Variants in TENM4 observed in about 807,000 individuals in gnomAD.
TENM4 encodes the protein teneurin-4.
In TENM4, 82 loss-of-function variants were observed where a neutral mutation model predicts 243.3. That is an observed-to-expected ratio of 0.34 (90% CI 0.28 to 0.40). TENM4 has a LOEUF of 0.40. Ranked by LOEUF, TENM4 falls within the 10% of genes least tolerant of loss-of-function variation. The pLI is 1.00. For synonymous variants in TENM4, 1,412 were observed against 1,456.3 expected, an observed-to-expected ratio of 0.97 and a Z score of 0.69; for missense variants, 3,138 against 3,673.3, an observed-to-expected ratio of 0.85 and a Z score of 3.77.
chr11:78,840,934 A>C (rs975274283), intron 12 of TENM4, among the ~76,000 whole-genome samples: 5 of 152,214 alleles, frequency 3.3e-5, no homozygotes, highest in Non-Finnish European at 7.3e-5. Context: ...CTCTATAAAG[A>C]AAATAAGAGT....
chr11:79,056,522 C>T (rs1859947837), intron 6 of TENM4, among the ~76,000 whole-genome samples: 1 of 152,012 alleles, frequency 6.6e-6, no homozygotes, highest in Non-Finnish European at 1.5e-5. Context: ...CAATTCCAGC[C>T]AATTTCGTGC....
intron 25 of TENM4, among the ~76,000 whole-genome samples, chr11:78,717,486 C>T (rs1859548704): frequency 6.6e-6 from 1 of 152,250 alleles, no homozygotes; most frequent in Non-Finnish European, 1.5e-5. Flanking sequence ...CTACCATCCA[C>T]TTGGCTAAGT....
At chr11:79,206,837 A>G (rs1863857793) in intron 3 of TENM4, among the ~76,000 whole-genome samples, 2 of 152,156 alleles carry the variant, frequency 1.3e-5, no homozygotes, top group African/African-American at 4.8e-5. Flanking sequence ...AAATGGACTA[A>G]TACACGCTCC....
intron 4 of TENM4, among the ~76,000 whole-genome samples, chr11:79,131,112 G>A (rs1378012020): frequency 6.6e-6 from 1 of 152,082 alleles, no homozygotes; most frequent in East Asian, 1.9e-4. Context: ...ATATTTGGGG[G>A]AATAATTGAG....
chr11:79,011,352 T>C (rs1052202756), intron 6 of TENM4, among the ~76,000 whole-genome samples: 5 of 152,334 alleles, frequency 3.3e-5, no homozygotes, highest in Admixed American at 6.5e-5. Context: ...CTTTCAGGTA[T>C]CTGCATTTTT....
Position 78,671,899 on chromosome 11 carries a change from G to A in TENM4, c.5793+134C>T, listed in dbSNP as rs184826156. 3.3e-6 allele frequency: 4 copies of A among 1,204,526 alleles called. No individual in the cohort carries two copies. The East Asian group carries it at 7.7e-5, about 23-fold the overall frequency. The allele number at this position is 1,204,526 out of a possible 1,614,324, so 74.6% of individuals were successfully genotyped here. On this transcript the variant is annotated intron_variant, in intron 31 of 33. Coordinates refer to ENST00000278550, the MANE Select transcript of TENM4 (RefSeq NM_001098816.3). ...CTCTTGGGACCCCATGCCCTCTGTG[G>A]CAGACTTTCCTGAACATTTCCTTTT...
At chr11:79,186,192 C>G (rs1216885012) in intron 3 of TENM4, among the ~76,000 whole-genome samples, 5 of 152,138 alleles carry the variant, frequency 3.3e-5, no homozygotes. Context: ...ATACCACCAC[C>G]TTGCCATGTC....
intron 2 of TENM4, among the ~76,000 whole-genome samples, chr11:79,287,621 A>C (rs970140199): frequency 3.9e-5 from 6 of 152,282 alleles, no homozygotes; most frequent in Non-Finnish European, 8.8e-5. Context: ...AGGGTGCTTG[A>C]TGCATTATAA....
chr11:79,427,235 C>A (rs1859071736), intron 1 of TENM4, among the ~76,000 whole-genome samples: 1 of 152,142 alleles, frequency 6.6e-6, no homozygotes, highest in Non-Finnish European at 1.5e-5. Flanking sequence ...TTGTCAGAAG[C>A]TTTAAAAAGC....
At chr11:78,970,390 C>T (rs1857516266) in intron 6 of TENM4, among the ~76,000 whole-genome samples, 1 of 152,150 alleles carries the variant, frequency 6.6e-6, no homozygotes, top group South Asian at 2.1e-4. Flanking sequence ...TCTAGAGTGA[C>T]TATTCGTTCG....
chr11:79,155,199 C>T (rs531632751), intron 3 of TENM4, among the ~76,000 whole-genome samples: 7 of 152,106 alleles, frequency 4.6e-5, no homozygotes, highest in Non-Finnish European at 5.9e-5. Flanking sequence ...GGGACAGATC[C>T]GGAGTATCTG....
At chr11:78,667,922 C>A (rs1320028476) in intron 32 of TENM4, among the ~76,000 whole-genome samples, 1 of 152,178 alleles carries the variant, frequency 6.6e-6, no homozygotes, top group Non-Finnish European at 1.5e-5. Flanking sequence ...GGGTTGAGGG[C>A]CTCTGTGGCT....
chr11:79,164,597 T>C (rs1862868056), intron 3 of TENM4, among the ~76,000 whole-genome samples: 1 of 128,740 alleles, frequency 7.8e-6, no homozygotes, highest in African/African-American at 3.2e-5. Flanking sequence ...TATATATCTA[T>C]ATAGTACGGT....
chr11:79,293,593 T>C (rs1465410410), intron 2 of TENM4, among the ~76,000 whole-genome samples: 1 of 151,466 alleles, frequency 6.6e-6, no homozygotes, highest in East Asian at 1.9e-4. Flanking sequence ...TTGTATATGG[T>C]AGGTGCTTCA....
In TENM4 at chr11:78,669,925, G is replaced by T; in HGVS notation, c.6420C>A (p.Thr2140=). The T allele has an allele frequency of 2.5e-6, 4 of 1,613,746 alleles. No individual in the cohort carries two copies. The highest frequency in any genetic ancestry group is 3.4e-6 in the Non-Finnish European group (4 of 1,179,832). Residue 2140 remains threonine (T), a synonymous_variant, in exon 32 of 34, where the codon ACC becomes ACA. Transcript: ENST00000278550. The surrounding 1 kb of genome is among the most constrained non-coding windows in gnomAD (Gnocchi z 6.4). ...CATATGCATCAAAATGCTTGGTGTG[G>T]GTCATGACAGCTGTGGTGATGATCT... ...INQIITTAVM[T]HTKHFDAYGR... is the part of the protein sequence containing the mutation.
intron 1 of TENM4, among the ~76,000 whole-genome samples, chr11:79,370,334 T>C (rs1469638485): frequency 1.3e-5 from 2 of 152,210 alleles, no homozygotes; most frequent in Non-Finnish European, 2.9e-5. Context: ...CCTCTGTGCC[T>C]GACACCACAG....
chr11:79,097,203 T>A (rs1861104750), intron 4 of TENM4: 1 of 152,180 alleles, frequency 6.6e-6, no homozygotes, highest in African/African-American at 2.4e-5. Flanking sequence ...CTAAGAACTC[T>A]GGTACAAGGA....
chr11:78,769,538 G>C (rs1488634343), intron 18 of TENM4, among the ~76,000 whole-genome samples: 1 of 152,190 alleles, frequency 6.6e-6, no homozygotes, highest in African/African-American at 2.4e-5. Context: ...TTATCTCTAT[G>C]CCTGGTATAG....
chr11:79,045,763 T>C (rs1389258937), intron 6 of TENM4, among the ~76,000 whole-genome samples: 1 of 151,952 alleles, frequency 6.6e-6, no homozygotes, highest in African/African-American at 2.4e-5. Flanking sequence ...CCCAAAGCCC[T>C]TTTTCCTTAT....
Sources: gnomAD v4.1 joint callset for allele counts (sites outside exome capture counted in the v4.1 genomes callset) on GRCh38, gnomAD v4.1.1 for gene constraint, Gnocchi (gnomAD v3.1) non-coding constraint, MANE v1.5 for transcripts, NCBI Gene and HGNC (gene_info 2026-07-23, HGNC 2026-07-21) for gene names.